The following CYTH3 variants were observed in gnomAD, a reference collection of about 807,000 sequenced individuals.
CYTH3 encodes the protein cytohesin-3.
Under a neutral mutation model 55.1 loss-of-function variants are expected in CYTH3, and 23 were observed. The observed-to-expected ratio is 0.42, with a 90% CI of 0.30 to 0.59. The LOEUF is 0.59. Among genes scored for constraint, CYTH3 ranks in the 20% least tolerant of loss-of-function variants. CYTH3 has a pLI of 0.20. For missense variants in CYTH3, 413 were observed against 524.8 expected (o/e 0.79, Z 2.08); for synonymous variants, 249 against 194.9 (o/e 1.28, Z -2.31).
intron 1 of CYTH3, among the ~76,000 whole-genome samples, chr7:6,237,711 A>C (rs927397265): frequency 6.6e-6 from 1 of 152,168 alleles, no homozygotes; most frequent in Admixed American, 6.5e-5. Context: ...TCTATCTAAA[A>C]AATAACAACA....
In CYTH3 at chr7:6,272,585, G is replaced by C; in HGVS notation, c.-78C>G. On this transcript the variant is annotated 5_prime_UTR_variant, in exon 1 of 13. Coordinates refer to ENST00000350796, the MANE Select transcript of CYTH3 (RefSeq NM_004227.4). The stretch of plus-strand genomic sequence containing the variant: ...CGGGCTGGGGACGCCGCCGGAGGGA[G>C]CGCGCAGGCGACCGGGCGGCTCCTC... 1 of 1,100,574 alleles carries C rather than the reference G, an allele frequency of 9.1e-7. No homozygotes were observed. The highest frequency in any genetic ancestry group is 1.1e-6 in the Non-Finnish European group (1 of 899,454). The allele number at this position is 1,100,574 out of a possible 1,614,324, so 68.2% of individuals were successfully genotyped here.
In CYTH3 at chr7:6,165,126, C is replaced by T. The variant is rs371510986; in HGVS notation, c.1128-110G>A. ...ACAGGACCGCAGGCTCAGATCTGAA[C>T]GTCGGCTTTGGCAGCCCGGCCCTCT... is the stretch of plus-strand genomic sequence containing the variant. On this transcript the variant is annotated intron_variant, in intron 12 of 12. Transcript: ENST00000350796. 8.8e-5 allele frequency: 138 copies of T among 1,564,250 alleles called. 2 individuals are homozygous for T. In the East Asian group the frequency reaches 2.0e-3, roughly 23 times the overall value.
chr7:6,222,505 G>A (rs1277240752), intron 1 of CYTH3, among the ~76,000 whole-genome samples: 1 of 152,114 alleles, frequency 6.6e-6, no homozygotes, highest in African/African-American at 2.4e-5. Flanking sequence ...CCAGCACTCG[G>A]GGAGGCCAAG....
chr7:6,201,317 T>C (rs1156382755), intron 1 of CYTH3, among the ~76,000 whole-genome samples: 2 of 152,226 alleles, frequency 1.3e-5, no homozygotes, highest in East Asian at 1.9e-4. Context: ...TGCACTGAGC[T>C]GCAGGGGCAG....
In CYTH3 at chr7:6,175,381, T is replaced by C. The variant is rs372141225; in HGVS notation, c.369-1648A>G. Among the ~76,000 whole-genome samples the C allele has an allele frequency of 3.4e-3, 523 of 152,282 alleles. 2 individuals carry two copies. The highest frequency in any genetic ancestry group is 0.012 in the African/African-American group (504 of 41,538). ...ACCTACTTTTACCCAGCACCATTTG[T>C]TGAAAAGGCTATTCTTCCCCCCACT... On this transcript the variant is annotated intron_variant, in intron 5 of 12. Coordinates refer to ENST00000350796, the MANE Select transcript of CYTH3 (RefSeq NM_004227.4).
intron 1 of CYTH3, among the ~76,000 whole-genome samples, chr7:6,213,585 A>G (rs947651851): frequency 4.6e-5 from 7 of 151,928 alleles, no homozygotes. Flanking sequence ...TTAATTACCC[A>G]ATTTGAAAAA....
rs1464948128 is a variant in CYTH3 at position 6,251,288 on chromosome 7, T to TAAAA, written c.34+21182_34+21185dup. Among the ~76,000 whole-genome samples the TAAAA allele has an allele frequency of 6.7e-5, 10 of 149,390 alleles. No individual in the cohort carries two copies. In the East Asian group the frequency reaches 1.9e-3, roughly 29 times the overall value. On this transcript the variant is annotated intron_variant, in intron 1 of 12. Coordinates refer to ENST00000350796, the MANE Select transcript of CYTH3 (RefSeq NM_004227.4). The stretch of plus-strand genomic sequence containing the variant: ...GAAACACCGTCTCAAAAAAAATAAA[T>TAAAA]AAAATAAAATAAATCTGAAAAGAAA...
At position 6,185,654 on chromosome 7, in the gene CYTH3, C is replaced by T. The variant is rs1296819003; in HGVS notation, c.249+1396G>A. Among the ~76,000 whole-genome samples the T allele has an allele frequency of 4.7e-5, 7 of 150,182 alleles. No homozygotes were observed. In the East Asian group the frequency reaches 1.2e-3, roughly 25 times the overall value. ...GGTGGAGCTTGCGGTGGGCCGAGAT[C>T]GCACCACTGCACTCCAGCCTGGGCA... On this transcript the variant is annotated intron_variant, in intron 4 of 12. Coordinates refer to ENST00000350796, the MANE Select transcript of CYTH3 (RefSeq NM_004227.4).
At chr7:6,166,253 T>A (rs1783004918) in intron 9 of CYTH3, among the ~76,000 whole-genome samples, 1 of 152,184 alleles carries the variant, frequency 6.6e-6, no homozygotes, top group Non-Finnish European at 1.5e-5. Context: ...TGAGACTGAA[T>A]TAATTTTGTA....
At chr7:6,166,040 C>T (rs911328356) in intron 9 of CYTH3, among the ~76,000 whole-genome samples, 5 of 152,200 alleles carry the variant, frequency 3.3e-5, no homozygotes, top group East Asian at 1.9e-4. Context: ...GACACAACCG[C>T]GCTACAATTC....
At chr7:6,205,170 C>T (rs1223241882) in intron 1 of CYTH3, among the ~76,000 whole-genome samples, 3 of 151,010 alleles carry the variant, frequency 2.0e-5, no homozygotes, top group African/African-American at 7.3e-5. Context: ...CTCAAAAAAG[C>T]AAAAACAAAA....
At chr7:6,228,403 C>G (rs1268472515) in intron 1 of CYTH3, among the ~76,000 whole-genome samples, 4 of 152,018 alleles carry the variant, frequency 2.6e-5, no homozygotes, top group African/African-American at 7.3e-5. Flanking sequence ...TACTCAGCTC[C>G]AAATATGGAG....
Position 6,163,212 on chromosome 7 carries a change from C to T in CYTH3, c.*1732G>A, listed in dbSNP as rs142184977. On this transcript the variant is annotated 3_prime_UTR_variant, in exon 13 of 13. Coordinates refer to ENST00000350796, the MANE Select transcript of CYTH3 (RefSeq NM_004227.4). ...GTCAGCCGCAGGGAGGCGAAGGGCC[C>T]GCAGCCGCTCGGCCTCCACTTCAAG... 6.6e-6 allele frequency: 1 copy of T among 152,474 alleles called. No homozygotes were observed. The highest frequency in any genetic ancestry group is 1.5e-5 in the Non-Finnish European group (1 of 68,134). The allele number at this position is 152,474 out of a possible 1,614,324, so 9.4% of individuals were successfully genotyped here.
At position 6,229,387 on chromosome 7, in the gene CYTH3, G is replaced by C. The variant is rs562133901; in HGVS notation, c.35-38856C>G. 3.9e-5 allele frequency among the ~76,000 whole-genome samples: 6 copies of C among 152,112 alleles called. No individual in the cohort carries two copies. In the East Asian group the frequency reaches 1.2e-3, roughly 29 times the overall value. ...ATGAGACACACAGAATGAAGAAAGC[G>C]TGCTTGCTGCGGCAGACTCCAGGAA... On this transcript the variant is annotated intron_variant, in intron 1 of 12. Coordinates refer to ENST00000350796, the MANE Select transcript of CYTH3 (RefSeq NM_004227.4).
At chr7:6,220,446 G>T (rs1455289359) in intron 1 of CYTH3, among the ~76,000 whole-genome samples, 1 of 151,798 alleles carries the variant, frequency 6.6e-6, no homozygotes, top group African/African-American at 2.4e-5. Context: ...ATCCACAAAC[G>T]TGACTGAGAA....
At chr7:6,173,273 G>C (rs1044477211) in intron 6 of CYTH3, among the ~76,000 whole-genome samples, 1 of 152,150 alleles carries the variant, frequency 6.6e-6, no homozygotes, top group Non-Finnish European at 1.5e-5. Flanking sequence ...GCACACTCAG[G>C]TATCCATGCG....
chr7:6,194,874 C>T (rs1245841290), intron 1 of CYTH3, among the ~76,000 whole-genome samples: 1 of 152,084 alleles, frequency 6.6e-6, no homozygotes, highest in East Asian at 1.9e-4. Flanking sequence ...ACTCGGGAGG[C>T]TGAGGCGGGA....
intron 1 of CYTH3, among the ~76,000 whole-genome samples, chr7:6,247,249 A>G (rs1318922689): frequency 6.6e-6 from 1 of 152,180 alleles, no homozygotes; most frequent in East Asian, 1.9e-4. Context: ...GCTCCACGAC[A>G]CTATTTTCTG....
intron 1 of CYTH3, chr7:6,212,842 G>C (rs764583895): frequency 2.0e-5 from 3 of 152,154 alleles, no homozygotes; most frequent in Non-Finnish European, 2.9e-5. Context: ...TTCAGCTCTT[G>C]CCCATTGTGA....
Sources: allele counts gnomAD v4.1 joint callset (sites outside exome capture counted in the v4.1 genomes callset), GRCh38; gene constraint gnomAD v4.1.1; transcripts MANE v1.5; gene names NCBI Gene and HGNC (gene_info 2026-07-23, HGNC 2026-07-21).